SLC44A5: variants seen among roughly 807,000 people sequenced by gnomAD.
SLC44A5 encodes the protein solute carrier family 44 member 5.
A neutral mutation model predicts 101.8 loss-of-function variants in SLC44A5; 57 were observed. That is an observed-to-expected ratio of 0.56 (90% CI 0.45 to 0.70). The LOEUF (loss-of-function observed/expected upper bound fraction) is 0.70, where lower values mean the gene tolerates loss of function less well. Among genes scored for constraint, SLC44A5 ranks in the 30% least tolerant of loss-of-function variants. The pLI is 0.00. For missense variants in SLC44A5, 737 were observed against 853.1 expected (o/e 0.86, Z 1.70); for synonymous variants, 281 against 290.9 (o/e 0.97, Z 0.35).
chr1:75,431,494 T>C (rs1381362299), intron 2 of SLC44A5, among the ~76,000 whole-genome samples: 1 of 152,202 alleles, frequency 6.6e-6, no homozygotes, highest in Non-Finnish European at 1.5e-5. Flanking sequence ...TTAGAACTTT[T>C]CAGAATTGTT....
the SLC44A5 span, among the ~76,000 whole-genome samples, chr1:75,674,976 G>T: frequency 1.9e-3 from 295 of 152,222 alleles, 4 homozygotes; most frequent in East Asian, 2.1e-3. Flanking sequence ...CTATGTGTCT[G>T]TTTTTGTACT....
intron 2 of SLC44A5, among the ~76,000 whole-genome samples, chr1:75,518,067 T>C (rs1213512293): frequency 6.6e-6 from 1 of 152,214 alleles, no homozygotes; most frequent in African/African-American, 2.4e-5. Context: ...AAGCTACATA[T>C]ATATTCGAAG....
chr1:75,337,230 C>G (rs1286193553), intron 4 of SLC44A5, among the ~76,000 whole-genome samples: 2 of 152,112 alleles, frequency 1.3e-5, no homozygotes, highest in Non-Finnish European at 2.9e-5. Flanking sequence ...GTATAGTACC[C>G]CTTACTCTAT....
chr1:75,323,075 A>G lies in SLC44A5; in HGVS notation c.101+16507T>C, dbSNP rs544486264. ...CATCTAGCATTAGGTATATCTCCCA[A>G]TGCTATCCCTCCCGCCTCCCCCCAC... On this transcript the variant is annotated intron_variant, in intron 4 of 23. Transcript: ENST00000370859. Among the ~76,000 whole-genome samples, 58 of 148,592 alleles carry G rather than the reference A, an allele frequency of 3.9e-4. No homozygotes were observed. In the South Asian group the frequency reaches 0.011, roughly 29 times the overall value.
At chr1:75,278,720 G>T (rs963057803) in intron 5 of SLC44A5, among the ~76,000 whole-genome samples, 3 of 152,114 alleles carry the variant, frequency 2.0e-5, no homozygotes, top group African/African-American at 7.2e-5. Flanking sequence ...GAATGTAGCA[G>T]CTTTAAGTGC....
chr1:75,699,472 C>A, the SLC44A5 span, among the ~76,000 whole-genome samples: 1 of 151,780 alleles, frequency 6.6e-6, no homozygotes, highest in Non-Finnish European at 1.5e-5. Context: ...CGTCACCACC[C>A]GGCCTGCCCT....
intron 4 of SLC44A5, among the ~76,000 whole-genome samples, chr1:75,332,520 G>T (rs1657130030): frequency 6.6e-6 from 1 of 151,954 alleles, no homozygotes; most frequent in Admixed American, 6.6e-5. Context: ...CAAATTGGTA[G>T]GTGTCACAAT....
At chr1:75,610,779 T>A (rs1675613199) in intron 1 of SLC44A5, among the ~76,000 whole-genome samples, 1 of 151,984 alleles carries the variant, frequency 6.6e-6, no homozygotes, top group South Asian at 2.1e-4. Flanking sequence ...AAAAGTGAAG[T>A]CCATTGGGTC....
At chr1:75,715,421 C>T in the SLC44A5 span, among the ~76,000 whole-genome samples, 4 of 152,150 alleles carry the variant, frequency 2.6e-5, no homozygotes, top group East Asian at 1.9e-4. Flanking sequence ...GTAACCAAAA[C>T]GGCATAGTAC....
At chr1:75,500,337 G>A (rs1228079920) in intron 2 of SLC44A5, among the ~76,000 whole-genome samples, 1 of 152,214 alleles carries the variant, frequency 6.6e-6, no homozygotes, top group Non-Finnish European at 1.5e-5. Context: ...TAATGTCTGA[G>A]GATCGAAAGA....
the SLC44A5 span, chr1:75,641,788 C>T: frequency 6.4e-7 from 1 of 1,553,666 alleles, no homozygotes; most frequent in Non-Finnish European, 8.9e-7. Flanking sequence ...CTTTAGAGTG[C>T]AAAGAAAAAA....
intron 2 of SLC44A5, among the ~76,000 whole-genome samples, chr1:75,527,489 A>G (rs1475361507): frequency 6.6e-6 from 1 of 152,088 alleles, no homozygotes. Flanking sequence ...TAAAAACATA[A>G]TATTTTCTTA....
chr1:75,618,052 T>C, the SLC44A5 span, among the ~76,000 whole-genome samples: 1 of 152,200 alleles, frequency 6.6e-6, no homozygotes, highest in Non-Finnish European at 1.5e-5. Context: ...GTGTAACTCT[T>C]TTAACTCAAT....
At chr1:75,275,077 C>T (rs898359853) in intron 5 of SLC44A5, 35 bp from the exon 6 acceptor site, 1 of 1,556,458 alleles carries the variant, frequency 6.4e-7, no homozygotes, top group Non-Finnish European at 8.8e-7. Flanking sequence ...ATGCTATCAG[C>T]AAAAGCCAGC....
At chr1:75,451,457 G>A (rs575542927) in intron 2 of SLC44A5, among the ~76,000 whole-genome samples, 6 of 151,762 alleles carry the variant, frequency 4.0e-5, no homozygotes, top group South Asian at 2.1e-4. Context: ...CTCTACCATC[G>A]TACTCCCTAG....
chr1:75,674,831 C>G, the SLC44A5 span, among the ~76,000 whole-genome samples: 1 of 152,186 alleles, frequency 6.6e-6, no homozygotes, highest in Non-Finnish European at 1.5e-5. Context: ...CTGCATATGG[C>G]TAGCCAGTTC....
intron 2 of SLC44A5, among the ~76,000 whole-genome samples, chr1:75,423,213 T>C (rs1354326011): frequency 3.3e-5 from 5 of 152,184 alleles, no homozygotes; most frequent in Non-Finnish European, 7.3e-5. Flanking sequence ...ATATGGCAAT[T>C]TCATACATAC....
chr1:75,435,785 A>G (rs574977095), intron 2 of SLC44A5, among the ~76,000 whole-genome samples: 16 of 152,286 alleles, frequency 1.1e-4, no homozygotes, highest in African/African-American at 3.8e-4. Context: ...CAATGTTATC[A>G]GCATTCTTTC....
chr1:75,274,189 T>A (rs971242164), intron 6 of SLC44A5, among the ~76,000 whole-genome samples: 2 of 151,782 alleles, frequency 1.3e-5, no homozygotes, highest in African/African-American at 4.8e-5. Flanking sequence ...GTTTTTTTTT[T>A]AACCATCTAG....
Sources: allele counts gnomAD v4.1 joint callset (sites outside exome capture counted in the v4.1 genomes callset), GRCh38; gene constraint gnomAD v4.1.1; transcripts MANE v1.5; gene names NCBI Gene and HGNC (gene_info 2026-07-23, HGNC 2026-07-21).